The following GET3 variants were observed in gnomAD, a reference collection of about 807,000 sequenced individuals.
GET3 encodes the protein ATPase GET3.
Under a neutral mutation model 32.4 loss-of-function variants are expected in GET3, and 15 were observed. The observed-to-expected ratio is 0.46, with a 90% CI of 0.31 to 0.71. The LOEUF is 0.71. Among genes scored for constraint, GET3 ranks in the 30% least tolerant of loss-of-function variants. GET3 has a pLI of 0.05. For synonymous variants in GET3, 198 were observed against 185.6 expected (o/e 1.07, Z -0.54); for missense variants, 333 against 459.0 (o/e 0.73, Z 2.51).
Position 12,745,684 on chromosome 19 carries a change from C to T in GET3, c.534C>T (p.Asn178=), listed in dbSNP as rs2145693669. 1 of 1,613,142 alleles carries T rather than the reference C, an allele frequency of 6.2e-7. No individual in the cohort carries two copies. The highest frequency in any genetic ancestry group is 8.5e-7 in the Non-Finnish European group (1 of 1,179,972). The change falls in exon 4 of 7, where the codon AAC becomes AAT. Residue 178 remains asparagine, a synonymous_variant. Coordinates refer to ENST00000357332, the MANE Select transcript of GET3 (RefSeq NM_004317.4). This position sits in a 1 kb window ranked among gnomAD's most constrained non-coding sequence, Gnocchi z 5.0. ...CGGGCCACACCCTGAGGCTGCTCAACTTCCCCACCATCGTGGAGCGGGGCC... is the reference window on the plus strand; with the variant it reads ...CGGGCCACACCCTGAGGCTGCTCAATTTCCCCACCATCGTGGAGCGGGGCC... ...APTGHTLRLL[N]FPTIVERGLG...
intron 2 of GET3, among the ~76,000 whole-genome samples, chr19:12,742,839 G>A (rs1967695324): frequency 2.0e-5 from 3 of 152,008 alleles, no homozygotes; most frequent in African/African-American, 4.8e-5. Flanking sequence ...GAGCTACCGC[G>A]CCCGGCCAAG....
At position 12,746,209 on chromosome 19, in the gene GET3, T is replaced by G. The variant is rs550018233; in HGVS notation, c.609+450T>G. ...GTGCAGTGGTGCGATCTTGGCTCAT[T>G]GCAACCTCCACCTCGTGGGTTCAAG... On this transcript the variant is annotated intron_variant, in intron 4 of 6. Coordinates refer to ENST00000357332, the MANE Select transcript of GET3 (RefSeq NM_004317.4). Among the ~76,000 whole-genome samples, 124 of 152,300 alleles carry G rather than the reference T, an allele frequency of 8.1e-4. 1 individual carries two copies. The highest frequency in any genetic ancestry group is 2.9e-3 in the African/African-American group (120 of 41,556).
rs1409622841 is a variant in GET3 at position 12,745,712 on chromosome 19, G to A, written c.562G>A (p.Gly188Ser). 1 of 1,612,680 alleles carries A rather than the reference G, an allele frequency of 6.2e-7. No homozygotes were observed. The highest frequency in any genetic ancestry group is 1.1e-5 in the South Asian group (1 of 91,076). The change falls in exon 4 of 7, where the codon GGC (glycine) becomes AGC (serine). Residue 188 changes from glycine to serine, a missense_variant. Physicochemically the swap from Gly to Ser is moderately conservative, Grantham distance 56. Around this residue, in one of 3 missense-constraint regions of GET3, gnomAD observed 230 missense variants for 389.2 expected, o/e 0.59. Transcript: ENST00000357332. This position sits in a 1 kb window ranked among gnomAD's most constrained non-coding sequence, Gnocchi z 5.0. ...NFPTIVERGL[G>S]RLMQIKNQIS... ...CCCCACCATCGTGGAGCGGGGCCTGGGCCGGCTTATGCAGATCAAGAACCA... is the reference window on the plus strand; with the variant it reads ...CCCCACCATCGTGGAGCGGGGCCTGAGCCGGCTTATGCAGATCAAGAACCA...
chr19:12,748,226 A>G lies in GET3; in HGVS notation c.*122A>G. 1.0e-6 allele frequency: 1 copy of G among 994,302 alleles called. No homozygotes were observed. Among genetic ancestry groups the G allele is most frequent in the East Asian group, 3.0e-5 (1 of 33,894 alleles). 61.6% of individuals were successfully genotyped at this position (994,302 alleles called of 1,614,324 possible). On this transcript the variant is annotated 3_prime_UTR_variant, in exon 7 of 7. Transcript: ENST00000357332. The stretch of plus-strand genomic sequence containing the variant: ...AGGGGGAGCCACTTGGGCAGGAGGC[A>G]GGGAGGGGTCCATTCCCCCTGGTGG...
At chr19:12,743,695 C>T (rs1442504680) in intron 2 of GET3, among the ~76,000 whole-genome samples, 1 of 146,348 alleles carries the variant, frequency 6.8e-6, no homozygotes, top group African/African-American at 2.5e-5. Context: ...TGCACTCCAG[C>T]CTGGGTGACA....
At chr19:12,737,316 A>T, upstream of GET3, 1 of 825,474 alleles carries the variant, frequency 1.2e-6, no homozygotes, top group Non-Finnish European at 1.7e-6. Flanking sequence ...TTGGAAAATT[A>T]TAGACCAGAG....
chr19:12,741,665 A>G (rs1233288179), intron 2 of GET3, among the ~76,000 whole-genome samples: 1 of 151,904 alleles, frequency 6.6e-6, no homozygotes, highest in Non-Finnish European at 1.5e-5. Flanking sequence ...AGGCTGAGGC[A>G]GGAGAATTGC....
At chr19:12,743,193 A>G (rs890937907) in intron 2 of GET3, among the ~76,000 whole-genome samples, 1 of 152,166 alleles carries the variant, frequency 6.6e-6, no homozygotes, top group Non-Finnish European at 1.5e-5. Flanking sequence ...AGAGGGAGGC[A>G]TTGGCCGGGC....
Position 12,738,582 on chromosome 19 carries a change from A to G in GET3, c.233A>G (p.Asn78Ser), listed in dbSNP as rs1437464951. The G allele has an allele frequency of 6.2e-7, 1 of 1,614,072 alleles. No homozygotes were observed. Among genetic ancestry groups the G allele is most frequent in the African/African-American group, 1.3e-5 (1 of 74,922 alleles). The change falls in exon 2 of 7, where the codon AAC becomes AGC. Residue 78 changes from asparagine (N) to serine (S), a missense_variant. Physicochemically the swap from Asn to Ser is conservative, Grantham distance 46 (BLOSUM62 1). Coordinates refer to ENST00000357332, the MANE Select transcript of GET3 (RefSeq NM_004317.4). ...VLIISTDPAH[N>S]ISDAFDQKFS... Reference sequence around the variant, plus strand: ...ATCATCTCCACAGACCCAGCACACAACATCTCAGATGCTTTTGACCAGAAG... The same window carrying G: ...ATCATCTCCACAGACCCAGCACACAGCATCTCAGATGCTTTTGACCAGAAG...
At chr19:12,741,770 A>G (rs1008869588) in intron 2 of GET3, among the ~76,000 whole-genome samples, 1 of 151,200 alleles carries the variant, frequency 6.6e-6, no homozygotes, top group Non-Finnish European at 1.5e-5. Context: ...AAAAAAAAAA[A>G]TTAGTTGGGC....
In GET3 at chr19:12,745,539, A is replaced by G. The variant is rs772506908; in HGVS notation, c.458+14A>G. 6.2e-7 allele frequency: 1 copy of G among 1,612,924 alleles called. No homozygotes were observed. ...CGAGGTCATGAGGTCAGGCCCAGCC[A>G]GCAGGGGTGGGGGCTGCCTGGGGAA... On this transcript the variant is annotated intron_variant, in intron 3 of 6. Transcript: ENST00000357332. This position sits in a 1 kb window ranked among gnomAD's most constrained non-coding sequence, Gnocchi z 5.0.
At position 12,747,761 on chromosome 19, in the gene GET3, C is replaced by G. The variant is rs576888443; in HGVS notation, c.915+169C>G. 6.6e-6 allele frequency among the ~76,000 whole-genome samples: 1 copy of G among 152,304 alleles called. No individual in the cohort carries two copies. The highest frequency in any genetic ancestry group is 2.4e-5 in the African/African-American group (1 of 41,552). ...CATAGAGGACTGTGGCTGGCCTGGC[C>G]TAGGTCCCTGTGACCCTGGAGAGCA... On this transcript the variant is annotated intron_variant, in intron 6 of 6. Coordinates refer to ENST00000357332, the MANE Select transcript of GET3 (RefSeq NM_004317.4). This position sits in a 1 kb window ranked among gnomAD's most constrained non-coding sequence, Gnocchi z 4.0.
Position 12,737,541 on chromosome 19 carries a change from A to G in GET3, c.36A>G (p.Ala12=), listed in dbSNP as rs371411489. The part of the protein sequence containing the change: ...AAGVAGWGVE[A]EEFEDAPDVE... ...GGGTGGCCGGGTGGGGGGTTGAGGCAGAGGAGTTCGAAGATGCTCCTGATG... is the reference window on the plus strand; with the variant it reads ...GGGTGGCCGGGTGGGGGGTTGAGGCGGAGGAGTTCGAAGATGCTCCTGATG... Residue 12 remains alanine, a synonymous_variant, in exon 1 of 7, where the codon GCA becomes GCG. Transcript: ENST00000357332. The G allele has an allele frequency of 3.4e-5, 54 of 1,596,338 alleles. No homozygotes were observed. Among genetic ancestry groups the G allele is most frequent in the South Asian group, 6.8e-5 (6 of 88,426 alleles).
At chr19:12,738,905 A>G (rs1470461382) in intron 2 of GET3, among the ~76,000 whole-genome samples, 1 of 152,180 alleles carries the variant, frequency 6.6e-6, no homozygotes, top group Non-Finnish European at 1.5e-5. Flanking sequence ...TCAGAGCCAC[A>G]TGGTGTGGGA....
chr19:12,738,212 A>G (rs1599446407), intron 1 of GET3, among the ~76,000 whole-genome samples: 1 of 152,160 alleles, frequency 6.6e-6, no homozygotes, highest in Non-Finnish European at 1.5e-5. Context: ...GAGTCAAGCT[A>G]TGCTGGCTGG....
At chr19:12,740,329 T>G (rs1212192206) in intron 2 of GET3, among the ~76,000 whole-genome samples, 1 of 141,770 alleles carries the variant, frequency 7.1e-6, no homozygotes, top group African/African-American at 2.6e-5. Context: ...TGCAGTGAGC[T>G]GAGATCGCGC....
intron 2 of GET3, among the ~76,000 whole-genome samples, chr19:12,744,140 C>T (rs1457768847): frequency 6.7e-6 from 1 of 148,490 alleles, no homozygotes; most frequent in African/African-American, 2.5e-5. Flanking sequence ...TGCTTGAACC[C>T]AGAAGGTGGA....
Position 12,737,591 on chromosome 19 carries a change from G to C in GET3, c.86G>C (p.Ser29Thr). The C allele has an allele frequency of 6.2e-7, 1 of 1,612,368 alleles. No homozygotes were observed. The highest frequency in any genetic ancestry group is 1.3e-5 in the African/African-American group (1 of 74,944). ...PDVEPLEPTLSNIIEQRSLKW... is the reference protein window; with the variant it reads ...PDVEPLEPTLTNIIEQRSLKW... The stretch of plus-strand genomic sequence containing the variant: ...GTGGAGCCGCTGGAGCCTACACTTA[G>C]CAACATCATCGAGCAGCGCAGCCTG... The change falls in exon 1 of 7, where the codon AGC becomes ACC. Residue 29 changes from serine (S) to threonine (T), a missense_variant. By Grantham distance (58) the Ser-to-Thr change is moderately conservative (BLOSUM62 1). Transcript: ENST00000357332.
Position 12,747,129 on chromosome 19 carries a change from T to C in GET3, c.610-68T>C. 1 of 1,381,642 alleles carries C rather than the reference T, an allele frequency of 7.2e-7. No homozygotes were observed. Among genetic ancestry groups the C allele is most frequent in the Non-Finnish European group, 9.9e-7 (1 of 1,008,672 alleles). The allele number at this position is 1,381,642 out of a possible 1,614,324, so 85.6% of individuals were successfully genotyped here. A position where few individuals can be genotyped will look rare whatever the true frequency, so the allele number is the denominator to read the frequency against. On this transcript the variant is annotated intron_variant, in intron 4 of 6. Coordinates refer to ENST00000357332, the MANE Select transcript of GET3 (RefSeq NM_004317.4). The surrounding 1 kb of genome is among the most constrained non-coding windows in gnomAD (Gnocchi z 4.0). ...GGTATCAGGAGTCATCCCTCGGGTGTTTAGTGAACCCCCAACCCAGGAGGT... is the reference window on the plus strand; with the variant it reads ...GGTATCAGGAGTCATCCCTCGGGTGCTTAGTGAACCCCCAACCCAGGAGGT...
Sources: gnomAD v4.1 joint callset for allele counts (sites outside exome capture counted in the v4.1 genomes callset) on GRCh38, gnomAD v4.1.1 for gene constraint, gnomAD v4.1.1 regional missense constraint, Gnocchi (gnomAD v3.1) non-coding constraint, MANE v1.5 for transcripts, NCBI Gene and HGNC (gene_info 2026-07-23, HGNC 2026-07-21) for gene names.